The following MGAT4C variants were observed in gnomAD, a reference collection of about 807,000 sequenced individuals.
The protein encoded by MGAT4C is MGAT4 family member C, also known as alpha-1,3-mannosyl-glycoprotein 4-beta-N-acetylglucosaminyltransferase C.
In MGAT4C, 19 loss-of-function variants were observed where a neutral mutation model predicts 40.1. The observed-to-expected ratio is 0.47, with a 90% confidence interval of 0.33 to 0.70. The LOEUF (loss-of-function observed/expected upper bound fraction) is 0.70, where lower values mean the gene tolerates loss of function less well. Ranked by LOEUF, MGAT4C falls within the 30% of genes least tolerant of loss-of-function variation. The pLI is 0.02. For synonymous variants in MGAT4C, 181 were observed against 187.1 expected (o/e 0.97, Z 0.27); for missense variants, 491 against 563.2 (o/e 0.87, Z 1.30).
intron 4 of MGAT4C, among the ~76,000 whole-genome samples, chr12:86,264,485 G>A (rs374648257): frequency 6.6e-6 from 1 of 152,134 alleles, no homozygotes; most frequent in South Asian, 2.1e-4. Context: ...GCGGGGAGGG[G>A]GCTGCGCACT....
At position 85,979,199 on chromosome 12, in the gene MGAT4C, C is replaced by T. The variant is rs867095775; in HGVS notation, c.*90G>A. The T allele has an allele frequency of 2.0e-6, 2 of 976,088 alleles. No individual in the cohort carries two copies. The highest frequency in any genetic ancestry group is 2.5e-5 in the East Asian group (1 of 40,628). The allele number at this position is 976,088 out of a possible 1,614,324, so 60.5% of individuals were successfully genotyped here. A position where few individuals can be genotyped will look rare whatever the true frequency, so the allele number is the denominator to read the frequency against. Reference sequence around the variant, plus strand: ...TAATTAATGTTTCTTTTAACATATCCCATCCATTGCTTTCCCTCCAAAAGA... The same window carrying T: ...TAATTAATGTTTCTTTTAACATATCTCATCCATTGCTTTCCCTCCAAAAGA... On this transcript the variant is annotated 3_prime_UTR_variant, in exon 5 of 5. Coordinates refer to ENST00000611864, the MANE Select transcript of MGAT4C (RefSeq NM_001351288.2).
At position 85,965,957 on chromosome 12, in the gene MGAT4C, G is replaced by A. The variant is rs1239029551; in HGVS notation, c.*13332C>T. 6.6e-6 allele frequency: 1 copy of A among 151,986 alleles called. No homozygotes were observed. The highest frequency in any genetic ancestry group is 2.4e-5 in the African/African-American group (1 of 41,392). The allele number at this position is 151,986 out of a possible 1,614,324, so 9.4% of individuals were successfully genotyped here. A position where few individuals can be genotyped will look rare whatever the true frequency, so the allele number is the denominator to read the frequency against. ...AGAAAGAGATGGCCCAGGATACAGA[G>A]GGCACTCCTTAAATAGCTGCCAAAT... is the stretch of plus-strand genomic sequence containing the variant. On this transcript the variant is annotated 3_prime_UTR_variant, in exon 5 of 5. Coordinates refer to ENST00000611864, the MANE Select transcript of MGAT4C (RefSeq NM_001351288.2).
chr12:86,003,094 C>G (rs10863140), intron 2 of MGAT4C, among the ~76,000 whole-genome samples: 38,516 of 151,948 alleles, frequency 0.25, 5,589 homozygotes, highest in Non-Finnish European at 0.33. Flanking sequence ...AGCCACCACA[C>G]CTGGCCTAAA....
chr12:86,500,408 A>G (rs539303986), intron 2 of MGAT4C, among the ~76,000 whole-genome samples: 1 of 152,076 alleles, frequency 6.6e-6, no homozygotes, highest in South Asian at 2.1e-4. Context: ...GAATAAAGAC[A>G]GTATATAAGT....
intron 1 of MGAT4C, among the ~76,000 whole-genome samples, chr12:86,081,583 T>G (rs2135544215): frequency 6.6e-6 from 1 of 152,196 alleles, no homozygotes; most frequent in South Asian, 2.1e-4. Flanking sequence ...CTAAAATAGC[T>G]TTTGGAACAT....
At chr12:86,620,014 A>G (rs1178803972) in intron 2 of MGAT4C, among the ~76,000 whole-genome samples, 1 of 152,162 alleles carries the variant, frequency 6.6e-6, no homozygotes, top group Non-Finnish European at 1.5e-5. Context: ...CAACATCACT[A>G]ATCACTAATC....
intron 2 of MGAT4C, among the ~76,000 whole-genome samples, chr12:86,695,132 G>A (rs1426185738): frequency 1.3e-5 from 2 of 152,114 alleles, no homozygotes; most frequent in African/African-American, 4.8e-5. Flanking sequence ...TTTCTCAAAA[G>A]AAGACATGCA....
intron 1 of MGAT4C, among the ~76,000 whole-genome samples, chr12:86,191,781 T>TGTGTGTGTGTGTGC (rs1398484998): frequency 1.4e-5 from 2 of 146,626 alleles, no homozygotes; most frequent in Non-Finnish European, 3.0e-5. Flanking sequence ...TGTGTGTGTG[T>TGTGTGTGTGTGTGC]GTGTGTGGTG....
intron 4 of MGAT4C, among the ~76,000 whole-genome samples, chr12:86,295,146 T>G (rs1953630410): frequency 6.6e-6 from 1 of 152,220 alleles, no homozygotes; most frequent in African/African-American, 2.4e-5. Flanking sequence ...TCAATATATT[T>G]TAGTTCTCTG....
intron 2 of MGAT4C, among the ~76,000 whole-genome samples, chr12:86,464,475 T>TC (rs1344275196): frequency 0.043 from 3 of 70 alleles, no homozygotes; most frequent in East Asian, 0.25. Flanking sequence ...TGTAACCTTA[T>TC]ATTTGATTAT....
intron 1 of MGAT4C, among the ~76,000 whole-genome samples, chr12:86,110,319 G>GTC (rs373674760): frequency 3.9e-4 from 30 of 76,560 alleles, no homozygotes; most frequent in Non-Finnish European, 6.9e-4. Flanking sequence ...TATATATATA[G>GTC]TCTCTCTCTC....
rs147333572 is a variant in MGAT4C, at chr12:86,751,573, C to T, written c.-261-24332G>A. 1.6e-3 allele frequency among the ~76,000 whole-genome samples: 240 copies of T among 152,128 alleles called. 1 individual carries two copies. The highest frequency in any genetic ancestry group is 5.5e-3 in the African/African-American group (230 of 41,554). The stretch of plus-strand genomic sequence containing the variant: ...CAGACTAGCTTTGAATTTAAAGTGA[C>T]TTATATTTATATCCTGAGTTTCTTA... On this transcript the variant is annotated intron_variant, in intron 1 of 7. Transcript: ENST00000548651.
intron 1 of MGAT4C, among the ~76,000 whole-genome samples, chr12:86,151,829 G>A: frequency 6.6e-6 from 1 of 152,176 alleles, no homozygotes; most frequent in East Asian, 1.9e-4. Context: ...TAATGCCCTG[G>A]CTCCTAAGGC....
chr12:86,707,554 G>A (rs932144469), intron 2 of MGAT4C, among the ~76,000 whole-genome samples: 4 of 150,246 alleles, frequency 2.7e-5, no homozygotes, highest in African/African-American at 9.8e-5. Flanking sequence ...TAATTGAGGT[G>A]GAGTATTGCT....
At chr12:86,275,152 T>C (rs1202703831) in intron 4 of MGAT4C, among the ~76,000 whole-genome samples, 2 of 152,216 alleles carry the variant, frequency 1.3e-5, no homozygotes, top group East Asian at 3.9e-4. Context: ...GAAATGTCAC[T>C]TGAAAATTAA....
chr12:86,719,006 C>A (rs1950695436), intron 2 of MGAT4C, among the ~76,000 whole-genome samples: 4 of 152,156 alleles, frequency 2.6e-5, no homozygotes. Flanking sequence ...AAGACTGGCA[C>A]AAGCTGAACA....
intron 2 of MGAT4C, among the ~76,000 whole-genome samples, chr12:86,665,452 C>A (rs1964081114): frequency 6.6e-6 from 1 of 151,988 alleles, no homozygotes. Context: ...TCTCGGCTCA[C>A]TGCAAGTTCC....
At chr12:86,695,376 T>C (rs1156399547) in intron 2 of MGAT4C, among the ~76,000 whole-genome samples, 3 of 152,088 alleles carry the variant, frequency 2.0e-5, no homozygotes, top group Admixed American at 2.0e-4. Flanking sequence ...CTCAAAAAAC[T>C]AAAAGTAGAG....
chr12:85,999,608 T>TACAC (rs1491589458), intron 2 of MGAT4C, among the ~76,000 whole-genome samples: 3 of 141,870 alleles, frequency 2.1e-5, no homozygotes, highest in African/African-American at 7.7e-5. Context: ...TATATATATA[T>TACAC]ACATACACAA....
Sources: allele counts gnomAD v4.1 joint callset (sites outside exome capture counted in the v4.1 genomes callset), GRCh38; gene constraint gnomAD v4.1.1; transcripts MANE v1.5; gene names NCBI Gene and HGNC (gene_info 2026-07-23, HGNC 2026-07-21).